Variants in ROBO2 observed in about 807,000 individuals in gnomAD.
ROBO2 encodes the protein roundabout homolog 2.
Under a neutral mutation model 160.8 loss-of-function variants are expected in ROBO2, and 53 were observed. The ratio of observed to expected loss-of-function variants is 0.33; its 90% CI spans 0.26 to 0.41. ROBO2 has a LOEUF of 0.41. Ranked by LOEUF, ROBO2 falls within the 10% of genes least tolerant of loss-of-function variation. The pLI, the probability that ROBO2 is intolerant of heterozygous loss-of-function variation, is 1.00. For synonymous variants in ROBO2, 664 were observed against 611.7 expected (o/e 1.09, Z -1.26); for missense variants, 1,577 against 1,722.4 (o/e 0.92, Z 1.49).
intron 1 of ROBO2, among the ~76,000 whole-genome samples, chr3:77,088,232 CA>C (rs1215611520): frequency 6.6e-6 from 1 of 152,132 alleles, no homozygotes. Flanking sequence ...ACCTGAGATA[CA>C]ATTGTGAAAT....
In ROBO2 at chr3:76,795,349, C is replaced by A. The variant is rs187542128; in HGVS notation, c.110-302665C>A. Among the ~76,000 whole-genome samples the A allele has an allele frequency of 4.5e-3, 690 of 152,178 alleles. 9 individuals carry two copies. The highest frequency in any genetic ancestry group is 5.9e-3 in the Non-Finnish European group (399 of 67,978). On this transcript the variant is annotated intron_variant, in intron 2 of 26. Transcript: ENST00000487694. ...AGCATGCAATGCTGATTAATAATAG[C>A]ATTTTACCCACTGTAGAACTTCTTT...
intron 2 of ROBO2, among the ~76,000 whole-genome samples, chr3:76,834,114 C>CTTTCTTTCTTTCTTTCTT: frequency 7.7e-6 from 1 of 129,272 alleles, no homozygotes; most frequent in African/African-American, 2.9e-5. Flanking sequence ...TTCTTTCTTT[C>CTTTCTTTCTTTCTTTCTT]TCTCTGTCTC....
intron 16 of ROBO2, among the ~76,000 whole-genome samples, chr3:77,585,509 G>A (rs1461753350): frequency 6.6e-6 from 1 of 151,862 alleles, no homozygotes; most frequent in Non-Finnish European, 1.5e-5. Flanking sequence ...ATTTTTCTAT[G>A]AGATAAAAGT....
chr3:77,014,669 G>T (rs1478457911), intron 2 of ROBO2, among the ~76,000 whole-genome samples: 1 of 152,146 alleles, frequency 6.6e-6, no homozygotes, highest in Non-Finnish European at 1.5e-5. Flanking sequence ...TTTGTGAAGG[G>T]AATGAACAAT....
intron 5 of ROBO2, among the ~76,000 whole-genome samples, chr3:77,501,905 A>G (rs773754685): frequency 2.0e-4 from 30 of 152,172 alleles, no homozygotes; most frequent in Non-Finnish European, 3.5e-4. Flanking sequence ...TATTGTTAAA[A>G]AGCCGGTACT....
At chr3:77,103,579 A>G (rs904575634) in intron 2 of ROBO2, among the ~76,000 whole-genome samples, 3 of 152,192 alleles carry the variant, frequency 2.0e-5, no homozygotes, top group Non-Finnish European at 4.4e-5. Flanking sequence ...ATGGAACTGG[A>G]AATAGATTGA....
At position 76,174,812 on chromosome 3, in the gene ROBO2, G is replaced by C. The variant is rs142444100; in HGVS notation, c.109+237210G>C. Among the ~76,000 whole-genome samples, 125 of 152,120 alleles carry C rather than the reference G, an allele frequency of 8.2e-4. No individual in the cohort carries two copies. In the East Asian group the frequency reaches 0.023, roughly 28 times the overall value. ...CAGATAGCATGATGCCTCCAGTTTTGTTCTTTTTGCTTAGGATTGTCTTGG... is the reference window on the plus strand; with the variant it reads ...CAGATAGCATGATGCCTCCAGTTTTCTTCTTTTTGCTTAGGATTGTCTTGG... On this transcript the variant is annotated intron_variant, in intron 2 of 26. Coordinates refer to the ROBO2 transcript ENST00000487694.
At chr3:77,332,389 C>T (rs1292199678) in intron 2 of ROBO2, among the ~76,000 whole-genome samples, 1 of 152,102 alleles carries the variant, frequency 6.6e-6, no homozygotes, top group Non-Finnish European at 1.5e-5. Context: ...GTCCTCAGCT[C>T]TGTAGGTACA....
At chr3:77,252,807 C>CAAAAAAAAAAAAAA (rs1182786373) in intron 2 of ROBO2, among the ~76,000 whole-genome samples, 1 of 32,054 alleles carries the variant, frequency 3.1e-5, no homozygotes, top group African/African-American at 1.4e-4. Flanking sequence ...GACTCCATCT[C>CAAAAAAAAAAAAAA]AAAAAAAAAA....
At chr3:77,440,777 G>A (rs1355438698) in intron 2 of ROBO2, among the ~76,000 whole-genome samples, 1 of 152,082 alleles carries the variant, frequency 6.6e-6, no homozygotes, top group East Asian at 1.9e-4. Flanking sequence ...CTTTGAAATT[G>A]TTCAATTTTT....
chr3:77,644,577 T>TG, intron 24 of ROBO2, 127 bp from the exon 27 acceptor site: 1 of 857,608 alleles, frequency 1.2e-6, no homozygotes. Flanking sequence ...TTAAACTTCA[T>TG]AATTTTAATT....
At chr3:77,038,929 G>C (rs913855408), upstream of ROBO2, among the ~76,000 whole-genome samples, 3 of 152,186 alleles carry the variant, frequency 2.0e-5, no homozygotes, top group Admixed American at 6.5e-5. Context: ...CCTTCTGGAG[G>C]TGCTGGTCCC....
intron 2 of ROBO2, among the ~76,000 whole-genome samples, chr3:76,435,621 T>A (rs977936463): frequency 6.6e-5 from 10 of 152,172 alleles, no homozygotes; most frequent in African/African-American, 2.4e-4. Flanking sequence ...TCAGTTGATC[T>A]TCTGCAGGAA....
At chr3:76,704,539 A>C (rs1305941917) in intron 2 of ROBO2, among the ~76,000 whole-genome samples, 1 of 152,124 alleles carries the variant, frequency 6.6e-6, no homozygotes, top group African/African-American at 2.4e-5. Context: ...AACACGATGA[A>C]TCATAGATCA....
At chr3:76,941,555 T>A (rs775104222) in intron 2 of ROBO2, among the ~76,000 whole-genome samples, 3 of 152,174 alleles carry the variant, frequency 2.0e-5, no homozygotes, top group Non-Finnish European at 2.9e-5. Context: ...AACTGAGTCA[T>A]CGTGCATGTT....
chr3:77,597,500 G>T (rs2094334119), intron 19 of ROBO2, among the ~76,000 whole-genome samples: 1 of 152,068 alleles, frequency 6.6e-6, no homozygotes. Context: ...AGAGAATGAT[G>T]AGAGGAGTAG....
chr3:77,029,177 GTGTGTGTGTA>G (rs2063160916), intron 2 of ROBO2, among the ~76,000 whole-genome samples: 1 of 152,010 alleles, frequency 6.6e-6, no homozygotes, highest in African/African-American at 2.4e-5. Flanking sequence ...GGGCTGTGTG[GTGTGTGTGTA>G]TGTGTGTGTG....
intron 2 of ROBO2, among the ~76,000 whole-genome samples, chr3:75,980,409 A>C (rs2065243595): frequency 6.6e-6 from 1 of 151,560 alleles, no homozygotes; most frequent in Non-Finnish European, 1.5e-5. Context: ...AGTCTGAGCC[A>C]AATGCATATG....
At chr3:76,073,180 G>A (rs1045484349) in intron 2 of ROBO2, among the ~76,000 whole-genome samples, 10 of 145,282 alleles carry the variant, frequency 6.9e-5, no homozygotes, top group Admixed American at 6.3e-4. Context: ...TATTTTATAT[G>A]TGTGCCTTTA....
Sources: gnomAD v4.1 joint callset for allele counts (sites outside exome capture counted in the v4.1 genomes callset) on GRCh38, gnomAD v4.1.1 for gene constraint, MANE v1.5 for transcripts, NCBI Gene and HGNC (gene_info 2026-07-23, HGNC 2026-07-21) for gene names.